Variants in ACTR3B observed in about 807,000 individuals in gnomAD.
ACTR3B encodes the protein actin related protein 3B.
In ACTR3B, 8 loss-of-function variants were observed where a neutral mutation model predicts 59.0. The ratio of observed to expected loss-of-function variants is 0.14; its 90% CI spans 0.08 to 0.24. The LOEUF is 0.24. Ranked by LOEUF, ACTR3B falls within the 10% of genes least tolerant of loss-of-function variation. ACTR3B has a pLI of 1.00. For synonymous variants in ACTR3B, 148 were observed against 197.9 expected (o/e 0.75, Z 2.12); for missense variants, 245 against 552.3 (o/e 0.44, Z 5.58).
intron 2 of ACTR3B, among the ~76,000 whole-genome samples, chr7:152,791,766 C>T (rs1392836872): frequency 6.6e-6 from 1 of 152,230 alleles, no homozygotes; most frequent in Admixed American, 6.5e-5. Flanking sequence ...TTCCTAACCA[C>T]TACTCTGTTT....
intron 1 of ACTR3B, among the ~76,000 whole-genome samples, chr7:152,782,033 G>GTT (rs201141249): frequency 6.7e-6 from 1 of 149,402 alleles, no homozygotes; most frequent in African/African-American, 2.5e-5. Flanking sequence ...GAGCTGACTT[G>GTT]TTTTTTTTTG....
chr7:152,806,927 T>A, intron 4 of ACTR3B, among the ~76,000 whole-genome samples: 1 of 152,322 alleles, frequency 6.6e-6, no homozygotes. Context: ...ATGAAGACAG[T>A]AGCAAGGGAG....
chr7:152,785,476 A>G (rs1590242409), intron 2 of ACTR3B, among the ~76,000 whole-genome samples: 3 of 30,992 alleles, frequency 9.7e-5, no homozygotes, highest in African/African-American at 2.0e-4. Context: ...AGGGGGAGGG[A>G]GAGAGAGAGA....
chr7:152,835,905 T>C (rs1451524600), intron 9 of ACTR3B, among the ~76,000 whole-genome samples: 1 of 151,534 alleles, frequency 6.6e-6, no homozygotes, highest in Non-Finnish European at 1.5e-5. Flanking sequence ...CTTAGAACAC[T>C]CCTGGCCCAT....
chr7:152,801,358 C>T (rs1281772381), intron 3 of ACTR3B, among the ~76,000 whole-genome samples: 2 of 152,138 alleles, frequency 1.3e-5, no homozygotes, highest in Admixed American at 6.5e-5. Flanking sequence ...GGATTAGAGG[C>T]GTGAGCCACT....
chr7:152,778,037 T>C (rs2098140656), intron 1 of ACTR3B, among the ~76,000 whole-genome samples: 1 of 152,136 alleles, frequency 6.6e-6, no homozygotes, highest in Non-Finnish European at 1.5e-5. Context: ...TTGTAATATC[T>C]AATTCTTCCT....
chr7:152,804,223 A>C (rs1276909624), intron 4 of ACTR3B, among the ~76,000 whole-genome samples: 4 of 152,254 alleles, frequency 2.6e-5, no homozygotes, highest in Non-Finnish European at 5.9e-5. Context: ...CCCAGAGCTC[A>C]GAACGCACTC....
At chr7:152,847,345 C>T (rs1305498989) in intron 9 of ACTR3B, among the ~76,000 whole-genome samples, 1 of 152,208 alleles carries the variant, frequency 6.6e-6, no homozygotes, top group Non-Finnish European at 1.5e-5. Context: ...ATGTTTGCTG[C>T]CCATCACAGG....
chr7:152,796,860 G>GTTTTTTTTTTTTTGTTTTT (rs2098218316), intron 2 of ACTR3B, among the ~76,000 whole-genome samples: 1 of 54,738 alleles, frequency 1.8e-5, no homozygotes, highest in Non-Finnish European at 3.2e-5. Flanking sequence ...TAGTTTTTGT[G>GTTTTTTTTTTTTTGTTTTT]TTTTTTTTTT....
intron 1 of ACTR3B, among the ~76,000 whole-genome samples, chr7:152,767,138 C>CT (rs2098112948): frequency 1.3e-5 from 2 of 148,930 alleles, no homozygotes; most frequent in African/African-American, 5.0e-5. Flanking sequence ...ATTTAAATCT[C>CT]TAATTCATTT....
chr7:152,835,906 C>G (rs1253054087), intron 9 of ACTR3B, among the ~76,000 whole-genome samples: 1 of 151,460 alleles, frequency 6.6e-6, no homozygotes, highest in Non-Finnish European at 1.5e-5. Context: ...TTAGAACACT[C>G]CTGGCCCATG....
At chr7:152,853,650 C>G in intron 11 of ACTR3B, 73 bp downstream of exon 11, 1 of 1,333,834 alleles carries the variant, frequency 7.5e-7, no homozygotes, top group Non-Finnish European at 1.1e-6. Flanking sequence ...ATACTGTCTA[C>G]GAAGGTGAAA....
At position 152,854,339 on chromosome 7, in the gene ACTR3B, C is replaced by T. The variant is rs893212113; in HGVS notation, c.1162-119C>T. On this transcript the variant is annotated intron_variant, in intron 11 of 11. Transcript: ENST00000256001. The surrounding 1 kb of genome is among the most constrained non-coding windows in gnomAD (Gnocchi z 4.9). Reference sequence around the variant, plus strand: ...TCAGAGAGGTAAAATCTTGCAGCAGCGGTCCTGGGAGGGAGGGTGGAGGCC... The same window carrying T: ...TCAGAGAGGTAAAATCTTGCAGCAGTGGTCCTGGGAGGGAGGGTGGAGGCC... 18 of 816,318 alleles carry T rather than the reference C, an allele frequency of 2.2e-5. No homozygotes were observed. Among genetic ancestry groups the T allele is most frequent in the Admixed American group, 1.2e-4 (6 of 48,028 alleles). The allele number at this position is 816,318 out of a possible 1,614,324, so 50.6% of individuals were successfully genotyped here. A position where few individuals can be genotyped will look rare whatever the true frequency, so the allele number is the denominator to read the frequency against.
At chr7:152,785,376 T>TGGGGGG (rs1554433986) in intron 2 of ACTR3B, among the ~76,000 whole-genome samples, 1 of 5,324 alleles carries the variant, frequency 1.9e-4, no homozygotes, top group African/African-American at 1.2e-3. Context: ...GAGTTTGTTG[T>TGGGGGG]GAGGGGGGGG....
chr7:152,823,792 G>A lies in ACTR3B; in HGVS notation c.858+277G>A, dbSNP rs370700238. Among the ~76,000 whole-genome samples, 21 of 151,154 alleles carry A rather than the reference G, an allele frequency of 1.4e-4. No individual in the cohort carries two copies. The South Asian group carries it at 3.6e-3, about 26-fold the overall frequency. ...AATAGAATTAAAAGTAATCTCCAAG[G>A]GTTGTGGGTGGTCACATGCCAGCAT... On this transcript the variant is annotated intron_variant, in intron 8 of 11. Coordinates refer to ENST00000256001, the MANE Select transcript of ACTR3B (RefSeq NM_020445.6).
At chr7:152,769,328 A>G (rs2098118670) in intron 1 of ACTR3B, among the ~76,000 whole-genome samples, 1 of 152,128 alleles carries the variant, frequency 6.6e-6, no homozygotes, top group South Asian at 2.1e-4. Context: ...TCTTCACTAG[A>G]GTTGTTGATT....
intron 9 of ACTR3B, among the ~76,000 whole-genome samples, chr7:152,826,329 TA>T (rs1212728871): frequency 2.0e-5 from 3 of 151,908 alleles, no homozygotes; most frequent in African/African-American, 7.2e-5. Flanking sequence ...TTAAAGTAAA[TA>T]AAATATCTTT....
At position 152,806,555 on chromosome 7, in the gene ACTR3B, G is replaced by C. The variant is rs2098252691; in HGVS notation, c.336+4824G>C. ...TGTGGCTAACAATCTCTCTACTCTA[G>C]TGTCTTGAATATATGGCTTTCATTC... On this transcript the variant is annotated intron_variant, in intron 4 of 11. Coordinates refer to ENST00000256001, the MANE Select transcript of ACTR3B (RefSeq NM_020445.6). 7.2e-5 allele frequency among the ~76,000 whole-genome samples: 11 copies of C among 152,302 alleles called. No homozygotes were observed. The South Asian group carries it at 2.3e-3, about 32-fold the overall frequency.
chr7:152,838,364 G>A (rs1003995111), intron 9 of ACTR3B, among the ~76,000 whole-genome samples: 1 of 152,114 alleles, frequency 6.6e-6, no homozygotes, highest in Non-Finnish European at 1.5e-5. Context: ...CATAAAAAAG[G>A]ATGAGTTCAT....
Sources: gnomAD v4.1 joint callset for allele counts (sites outside exome capture counted in the v4.1 genomes callset) on GRCh38, gnomAD v4.1.1 for gene constraint, Gnocchi (gnomAD v3.1) non-coding constraint, MANE v1.5 for transcripts, NCBI Gene and HGNC (gene_info 2026-07-23, HGNC 2026-07-21) for gene names.